Variants in OR2L13 observed in about 807,000 individuals in gnomAD.
The protein encoded by OR2L13 is olfactory receptor 2L13.
A neutral mutation model predicts 15.3 loss-of-function variants in OR2L13; 14 were observed. The ratio of observed to expected loss-of-function variants is 0.91; its 90% CI spans 0.60 to 1.43. OR2L13 has a LOEUF of 1.43. Ranked by LOEUF, OR2L13 falls within the 40% of genes most tolerant of loss-of-function variation. OR2L13 has a pLI of 0.00. For missense variants in OR2L13, 367 were observed against 387.9 expected (o/e 0.95, Z 0.45); for synonymous variants, 152 against 142.9 (o/e 1.06, Z -0.45).
At chr1:247,948,750 C>G in the OR2L13 span, 1 of 880,706 alleles carries the variant, frequency 1.1e-6, no homozygotes, top group South Asian at 1.7e-5. Flanking sequence ...ACTGCAGTTT[C>G]AAACATCCAC....
At chr1:247,965,506 A>T in the OR2L13 span, 6 of 1,613,460 alleles carry the variant, frequency 3.7e-6, no homozygotes, top group South Asian at 3.3e-5. Flanking sequence ...AGGAAATATC[A>T]TGCTGATCCA....
the OR2L13 span, among the ~76,000 whole-genome samples, chr1:248,021,327 A>G: frequency 2.0e-5 from 3 of 152,226 alleles, no homozygotes; most frequent in Non-Finnish European, 4.4e-5. Context: ...TCTAAGAGTT[A>G]TAAAGTTGTA....
chr1:247,987,048 T>G, the OR2L13 span, among the ~76,000 whole-genome samples: 20 of 140,794 alleles, frequency 1.4e-4, no homozygotes, highest in African/African-American at 5.8e-4. Context: ...AAGTGTTTCA[T>G]TTTTTTTGAT....
chr1:248,046,437 C>G, the OR2L13 span, among the ~76,000 whole-genome samples: 1 of 152,112 alleles, frequency 6.6e-6, no homozygotes, highest in African/African-American at 2.4e-5. Context: ...GCCTGAATAA[C>G]AACATTCAGG....
chr1:248,061,838 A>G, the OR2L13 span: 1 of 404,398 alleles, frequency 2.5e-6, no homozygotes, highest in South Asian at 7.7e-5. Flanking sequence ...TAAATTTTGA[A>G]AGCACCTACT....
the OR2L13 span, among the ~76,000 whole-genome samples, chr1:248,001,696 C>T: frequency 6.6e-6 from 1 of 151,842 alleles, no homozygotes; most frequent in East Asian, 1.9e-4. Context: ...TGTCAGGAAC[C>T]AGCCTCTCAT....
the OR2L13 span, among the ~76,000 whole-genome samples, chr1:247,982,104 C>A: frequency 1.3e-5 from 2 of 152,082 alleles, no homozygotes; most frequent in Non-Finnish European, 2.9e-5. Flanking sequence ...CGTGAGCCAC[C>A]GCGCCTGGCC....
At chr1:247,959,915 A>T in the OR2L13 span, among the ~76,000 whole-genome samples, 1 of 137,126 alleles carries the variant, frequency 7.3e-6, no homozygotes, top group South Asian at 2.8e-4. Flanking sequence ...GAGTAGTTTG[A>T]TCATCTGAAG....
chr1:248,009,501 T>C, the OR2L13 span, among the ~76,000 whole-genome samples: 3 of 152,048 alleles, frequency 2.0e-5, no homozygotes, highest in South Asian at 6.2e-4. Context: ...AACAAAACAA[T>C]AACAAGTTCT....
the OR2L13 span, chr1:247,966,252 G>A: frequency 6.2e-7 from 1 of 1,613,116 alleles, no homozygotes; most frequent in Non-Finnish European, 8.5e-7. Context: ...TCTACAGCCT[G>A]AGAAATAAGG....
chr1:248,062,930 G>A, the OR2L13 span: 1 of 152,068 alleles, frequency 6.6e-6, no homozygotes, highest in Admixed American at 6.5e-5. Flanking sequence ...TTATTTCTGG[G>A]TTCTCTGTTC....
At chr1:248,027,021 G>A in the OR2L13 span, among the ~76,000 whole-genome samples, 1 of 152,184 alleles carries the variant, frequency 6.6e-6, no homozygotes, top group Admixed American at 6.5e-5. Context: ...TGTGAGCTGG[G>A]TGGAACAGAG....
At chr1:247,941,393 TA>T in the OR2L13 span, among the ~76,000 whole-genome samples, 2 of 152,158 alleles carry the variant, frequency 1.3e-5, no homozygotes, top group African/African-American at 4.8e-5. Context: ...TTTAGATATA[TA>T]AAGAATGGTG....
chr1:248,037,874 A>T, the OR2L13 span, among the ~76,000 whole-genome samples: 1 of 152,176 alleles, frequency 6.6e-6, no homozygotes, highest in Non-Finnish European at 1.5e-5. Context: ...CACAGTGCCT[A>T]CCTTGTTCTC....
At chr1:248,042,812 C>T in the OR2L13 span, among the ~76,000 whole-genome samples, 1 of 152,126 alleles carries the variant, frequency 6.6e-6, no homozygotes, top group Non-Finnish European at 1.5e-5. Context: ...AGATCCTCAT[C>T]CTCTCTTCAC....
chr1:248,082,481 T>G, the OR2L13 span, among the ~76,000 whole-genome samples: 1 of 151,420 alleles, frequency 6.6e-6, no homozygotes, highest in Admixed American at 6.6e-5. Context: ...ACATGTACCC[T>G]AAAACTTAAA....
chr1:248,050,853 A>T, the OR2L13 span, among the ~76,000 whole-genome samples: 1 of 151,976 alleles, frequency 6.6e-6, no homozygotes, highest in Non-Finnish European at 1.5e-5. Context: ...GCTCTTCTAA[A>T]TTTTTTTTCA....
At chr1:248,076,976 G>C in the OR2L13 span, among the ~76,000 whole-genome samples, 1 of 152,100 alleles carries the variant, frequency 6.6e-6, no homozygotes, top group Non-Finnish European at 1.5e-5. Context: ...TTGGCTGTGG[G>C]TTTGTCATAA....
chr1:248,089,298 T>C, the OR2L13 span, among the ~76,000 whole-genome samples: 2 of 152,140 alleles, frequency 1.3e-5, no homozygotes, highest in African/African-American at 4.8e-5. Context: ...TGCCACCCTC[T>C]GGGCAAGGAA....
Sources: allele counts gnomAD v4.1 joint callset (sites outside exome capture counted in the v4.1 genomes callset), GRCh38; gene constraint gnomAD v4.1.1; transcripts MANE v1.5; gene names NCBI Gene and HGNC (gene_info 2026-07-23, HGNC 2026-07-21).